Variants in DLG1 observed in about 807,000 individuals in gnomAD.
The protein encoded by DLG1 is discs large MAGUK scaffold protein 1, also known as disks large homolog 1.
Under a neutral mutation model 123.4 loss-of-function variants are expected in DLG1, and 42 were observed. The ratio of observed to expected loss-of-function variants is 0.34; its 90% CI spans 0.27 to 0.44. The LOEUF is 0.44. DLG1 is among the 20% of genes least tolerant of loss of function. DLG1 has a pLI of 1.00. For missense variants in DLG1, 942 were observed against 1,082.6 expected (o/e 0.87, Z 1.82); for synonymous variants, 317 against 356.2 (o/e 0.89, Z 1.24).
intron 4 of DLG1, chr3:197,260,593 CTGCTTCTTCAGA>C (rs1476067959): frequency 6.5e-6 from 1 of 153,494 alleles, no homozygotes; most frequent in East Asian, 1.9e-4. Context: ...CAAGAGTCCA[CTGCTTCTTCAGA>C]TGCTGTTTCA....
intron 22 of DLG1, among the ~76,000 whole-genome samples, chr3:197,064,195 A>ATT (rs58846947): frequency 6.9e-5 from 8 of 116,042 alleles, no homozygotes; most frequent in Admixed American, 1.8e-4. Flanking sequence ...GCCTGGCCTT[A>ATT]TTTTTTTTTT....
intron 4 of DLG1, among the ~76,000 whole-genome samples, chr3:197,241,006 A>G (rs920950114): frequency 2.0e-5 from 3 of 152,184 alleles, no homozygotes; most frequent in Non-Finnish European, 4.4e-5. Flanking sequence ...AAATAATAGA[A>G]AACTTTCCAC....
intron 5 of DLG1, among the ~76,000 whole-genome samples, chr3:197,188,297 C>T (rs529456008): frequency 6.6e-6 from 1 of 152,334 alleles, no homozygotes; most frequent in South Asian, 2.1e-4. Flanking sequence ...TCCTTCAACA[C>T]TTTATGCAAA....
At chr3:197,052,392 T>C (rs940808586) in intron 23 of DLG1, among the ~76,000 whole-genome samples, 3 of 152,102 alleles carry the variant, frequency 2.0e-5, no homozygotes, top group African/African-American at 7.2e-5. Flanking sequence ...GAGGCAGAGG[T>C]TGCAGTGAGC....
chr3:197,087,218 T>C (rs1009302215), intron 15 of DLG1, among the ~76,000 whole-genome samples: 2 of 152,224 alleles, frequency 1.3e-5, no homozygotes, highest in African/African-American at 4.8e-5. Context: ...ACTCATTCTT[T>C]TTTGGTTGGT....
intron 4 of DLG1, among the ~76,000 whole-genome samples, chr3:197,251,225 CAAAT>C (rs1019028479): frequency 2.4e-4 from 36 of 151,698 alleles, no homozygotes; most frequent in African/African-American, 8.2e-4. Flanking sequence ...AACAAAAAAA[CAAAT>C]AAATAAAATA....
At chr3:197,276,930 C>T (rs1301261243) in intron 4 of DLG1, among the ~76,000 whole-genome samples, 1 of 151,626 alleles carries the variant, frequency 6.6e-6, no homozygotes, top group African/African-American at 2.4e-5. Context: ...CTCGCTCTGT[C>T]GCCCAGGCTG....
intron 13 of DLG1, among the ~76,000 whole-genome samples, chr3:197,114,416 C>T (rs1306174587): frequency 6.6e-6 from 1 of 152,158 alleles, no homozygotes; most frequent in Non-Finnish European, 1.5e-5. Flanking sequence ...AGAAACAACA[C>T]GCCAGACAAC....
intron 5 of DLG1, 42 bp from the exon 6 acceptor site, chr3:197,149,838 C>T (rs1792995144): frequency 8.5e-7 from 1 of 1,181,138 alleles, no homozygotes; most frequent in South Asian, 1.2e-5. Context: ...GAAAATAAAA[C>T]ATTACATGTT....
intron 9 of DLG1, 122 bp from the exon 10 acceptor site, chr3:197,136,800 CTATT>C (rs1176467543): frequency 7.1e-6 from 6 of 841,234 alleles, no homozygotes; most frequent in Non-Finnish European, 1.1e-5. Flanking sequence ...AGAAAAGAAT[CTATT>C]TAGTTATCTA....
intron 17 of DLG1, 103 bp downstream of exon 17, chr3:197,080,948 T>C (rs1157261907): frequency 3.8e-6 from 4 of 1,042,536 alleles, no homozygotes; most frequent in Non-Finnish European, 5.6e-6. Flanking sequence ...TAAAGCACCA[T>C]GGCAAGAACT....
At chr3:197,189,332 T>C (rs1717925583) in intron 5 of DLG1, among the ~76,000 whole-genome samples, 1 of 152,226 alleles carries the variant, frequency 6.6e-6, no homozygotes, top group Non-Finnish European at 1.5e-5. Flanking sequence ...TTTTAAAGTT[T>C]AAATTTTTAA....
At chr3:197,062,427 T>TAA (rs1370909697) in intron 22 of DLG1, among the ~76,000 whole-genome samples, 1 of 152,230 alleles carries the variant, frequency 6.6e-6, no homozygotes, top group Non-Finnish European at 1.5e-5. Flanking sequence ...GAGGGCCATC[T>TAA]GTGTTTGTTT....
chr3:197,249,804 A>G (rs569223976), intron 4 of DLG1, among the ~76,000 whole-genome samples: 1 of 152,352 alleles, frequency 6.6e-6, no homozygotes, highest in South Asian at 2.1e-4. Flanking sequence ...AACAGAACCG[A>G]AAACAAAAAC....
intron 4 of DLG1, among the ~76,000 whole-genome samples, chr3:197,250,181 A>C (rs1753670191): frequency 6.6e-6 from 1 of 152,250 alleles, no homozygotes; most frequent in African/African-American, 2.4e-5. Context: ...AAAAACTGTA[A>C]GAACTGATAC....
intron 13 of DLG1, among the ~76,000 whole-genome samples, chr3:197,113,544 T>C (rs1771300893): frequency 1.3e-5 from 2 of 152,208 alleles, no homozygotes; most frequent in Admixed American, 6.5e-5. Context: ...TAAATTCTAT[T>C]TTGTCTCATA....
At chr3:197,103,797 C>T (rs143860597) in intron 14 of DLG1, among the ~76,000 whole-genome samples, 333 of 151,360 alleles carry the variant, frequency 2.2e-3, no homozygotes, top group African/African-American at 7.9e-3. Context: ...TGATAAATTA[C>T]AGAATTACTC....
At chr3:197,285,028 TA>T (rs35378563) in intron 3 of DLG1, among the ~76,000 whole-genome samples, 26,022 of 132,142 alleles carry the variant, frequency 0.2, 2,679 homozygotes, top group South Asian at 0.42. Context: ...TCTTATCTAT[TA>T]AAAAAAAAAA....
chr3:197,232,436 T>C (rs1386231842), intron 4 of DLG1, among the ~76,000 whole-genome samples: 2 of 151,604 alleles, frequency 1.3e-5, no homozygotes, highest in South Asian at 2.1e-4. Flanking sequence ...AGAAAACTAT[T>C]ATTTTAGAAA....
Sources: gnomAD v4.1 joint callset for allele counts (sites outside exome capture counted in the v4.1 genomes callset) on GRCh38, gnomAD v4.1.1 for gene constraint, MANE v1.5 for transcripts, NCBI Gene and HGNC (gene_info 2026-07-23, HGNC 2026-07-21) for gene names.